WIPF3: variants seen among roughly 807,000 people sequenced by gnomAD.
WIPF3 encodes the protein WAS/WASL-interacting protein family member 3.
Under a neutral mutation model 38.9 loss-of-function variants are expected in WIPF3, and 33 were observed. The observed-to-expected ratio is 0.85, with a 90% confidence interval of 0.64 to 1.14. The LOEUF (loss-of-function observed/expected upper bound fraction) is 1.14. WIPF3 is among the 50% of genes most tolerant of loss of function. WIPF3 has a pLI of 0.00. For missense variants in WIPF3, 711 were observed against 652.5 expected (o/e 1.09, Z -0.98); for synonymous variants, 324 against 269.3 (o/e 1.20, Z -1.99).
intron 1 of WIPF3, among the ~76,000 whole-genome samples, chr7:29,813,051 G>A (rs748889722): frequency 6.6e-5 from 10 of 152,014 alleles, no homozygotes; most frequent in Non-Finnish European, 1.2e-4. Flanking sequence ...ATTGACCACC[G>A]CTTCCCACTC....
At chr7:29,812,592 C>T (rs1784397557) in intron 1 of WIPF3, among the ~76,000 whole-genome samples, 2 of 152,206 alleles carry the variant, frequency 1.3e-5, no homozygotes, top group African/African-American at 4.8e-5. Flanking sequence ...AAGTGATGCA[C>T]TCCCTAGGAC....
Position 29,879,106 on chromosome 7 carries a change from T to C in WIPF3, c.321T>C (p.Pro107=), listed in dbSNP as rs1468540431. 1 of 1,612,624 alleles carries C rather than the reference T, an allele frequency of 6.2e-7. No homozygotes were observed. ...TLGDLFAGGF[P]VLRPAGQRDV... ...GAGATCTGTTTGCTGGTGGCTTTCC[T>C]GTATTGCGACCAGCAGGCCAGCGGG... Residue 107 remains proline, a synonymous_variant, in exon 4 of 9, where the codon CCT becomes CCC. Transcript: ENST00000242140.
intron 2 of WIPF3, among the ~76,000 whole-genome samples, chr7:29,835,677 A>C (rs1218170486): frequency 3.9e-5 from 6 of 152,212 alleles, no homozygotes; most frequent in African/African-American, 1.4e-4. Flanking sequence ...AACCAGGAGC[A>C]CTTCTCACAC....
chr7:29,900,136 C>T (rs1786244326), intron 7 of WIPF3, among the ~76,000 whole-genome samples: 2 of 151,810 alleles, frequency 1.3e-5, no homozygotes, highest in Admixed American at 6.6e-5. Context: ...TGCAGTTTTG[C>T]CATGTTGTTC....
intron 1 of WIPF3, among the ~76,000 whole-genome samples, chr7:29,829,558 A>G (rs1285293376): frequency 6.6e-6 from 1 of 152,190 alleles, no homozygotes; most frequent in Non-Finnish European, 1.5e-5. Context: ...AGTGGTGATG[A>G]TAAGTGTCAC....
At chr7:29,901,570 C>A (rs936820009) in intron 7 of WIPF3, among the ~76,000 whole-genome samples, 1 of 151,474 alleles carries the variant, frequency 6.6e-6, no homozygotes, top group South Asian at 2.1e-4. Flanking sequence ...GTGGGCGGAT[C>A]GCTTGAGCTC....
At chr7:29,820,663 C>T (rs1430337590) in intron 1 of WIPF3, among the ~76,000 whole-genome samples, 3 of 152,116 alleles carry the variant, frequency 2.0e-5, no homozygotes, top group African/African-American at 4.8e-5. Context: ...TTCCCACCTC[C>T]CATCTATCCC....
chr7:29,888,170 CGCAGCA>C lies in WIPF3; in HGVS notation c.1205_1210del (p.Gln402_Gln403del). On this transcript the variant is annotated inframe_deletion, in exon 6 of 9. Transcript: ENST00000242140. ...CAGCAGGCCACAGCCTGGACCCCGA[CGCAGCA>C]GCCTGGAGGTCAACTGCGAAATGGA... The C allele has an allele frequency of 6.2e-7, 1 of 1,613,250 alleles. No individual in the cohort carries two copies. Among genetic ancestry groups the C allele is most frequent in the African/African-American group, 1.3e-5 (1 of 75,036 alleles).
chr7:29,875,684 G>A lies in WIPF3; in HGVS notation c.91-146G>A, dbSNP rs766005032. ...AAAGAGGTGTGAGCAGGACCCAAAA[G>A]TGTCTCTCCCATAGGTAATCTGAGA... On this transcript the variant is annotated intron_variant, in intron 2 of 8. Coordinates refer to ENST00000242140, the MANE Select transcript of WIPF3 (RefSeq NM_001080529.3). 3 of 1,062,118 alleles carry A rather than the reference G, an allele frequency of 2.8e-6. No individual in the cohort carries two copies. In the East Asian group the frequency reaches 7.6e-5, roughly 27 times the overall value. The allele number at this position is 1,062,118 out of a possible 1,614,324, so 65.8% of individuals were successfully genotyped here.
chr7:29,887,719 G>A (rs970903854), intron 5 of WIPF3, among the ~76,000 whole-genome samples: 7 of 152,244 alleles, frequency 4.6e-5, no homozygotes, highest in Middle Eastern at 3.4e-3. Flanking sequence ...GATGATGAAG[G>A]TTATCACCAT....
At chr7:29,834,642 A>G (rs1351206902) in intron 1 of WIPF3, 26 bp from the exon 2 acceptor site, 2 of 1,386,194 alleles carry the variant, frequency 1.4e-6, no homozygotes, top group Non-Finnish European at 9.4e-7. Flanking sequence ...ATCCAAGTTT[A>G]AATCCATTCT....
intron 2 of WIPF3, among the ~76,000 whole-genome samples, chr7:29,841,904 A>C (rs941795564): frequency 2.6e-5 from 4 of 152,262 alleles, no homozygotes; most frequent in Non-Finnish European, 4.4e-5. Flanking sequence ...TACTTATAAG[A>C]TGTAACCTAA....
At chr7:29,843,308 G>T (rs1784944652) in intron 2 of WIPF3, among the ~76,000 whole-genome samples, 1 of 152,232 alleles carries the variant, frequency 6.6e-6, no homozygotes, top group Admixed American at 6.5e-5. Context: ...GGTGGGAGGG[G>T]TGGCAGGAAC....
chr7:29,899,540 C>T (rs1358943514), intron 7 of WIPF3, among the ~76,000 whole-genome samples: 2 of 152,150 alleles, frequency 1.3e-5, no homozygotes, highest in African/African-American at 2.4e-5. Context: ...ACACTCCTTA[C>T]GTATTTGTTG....
chr7:29,832,304 G>C (rs1480234522), intron 1 of WIPF3, among the ~76,000 whole-genome samples: 1 of 152,186 alleles, frequency 6.6e-6, no homozygotes, highest in African/African-American at 2.4e-5. Context: ...GATAATTTGT[G>C]CTTGTTCCAA....
intron 4 of WIPF3, among the ~76,000 whole-genome samples, chr7:29,880,655 T>C (rs781618127): frequency 2.6e-5 from 4 of 152,318 alleles, no homozygotes; most frequent in Non-Finnish European, 5.9e-5. Context: ...GGAGTCCTAC[T>C]GGTCTGCTTG....
chr7:29,896,679 G>A (rs1786152781), intron 7 of WIPF3, among the ~76,000 whole-genome samples: 1 of 152,142 alleles, frequency 6.6e-6, no homozygotes, highest in South Asian at 2.1e-4. Context: ...CTACATAGAA[G>A]TGATGGTTGC....
At chr7:29,865,905 T>TC (rs1785378562) in intron 2 of WIPF3, among the ~76,000 whole-genome samples, 1 of 152,190 alleles carries the variant, frequency 6.6e-6, no homozygotes, top group Admixed American at 6.5e-5. Flanking sequence ...ACGTCTGTAA[T>TC]CCTAGCACTT....
chr7:29,819,273 A>G (rs1784502236), intron 1 of WIPF3, among the ~76,000 whole-genome samples: 1 of 151,732 alleles, frequency 6.6e-6, no homozygotes, highest in African/African-American at 2.4e-5. Flanking sequence ...ACTCTTCATA[A>G]TGGTTGTCTG....
Sources: allele counts gnomAD v4.1 joint callset (sites outside exome capture counted in the v4.1 genomes callset), GRCh38; gene constraint gnomAD v4.1.1; transcripts MANE v1.5; gene names NCBI Gene and HGNC (gene_info 2026-07-23, HGNC 2026-07-21).